Variants in USP13 observed in about 807,000 individuals in gnomAD.
USP13 encodes ubiquitin carboxyl-terminal hydrolase 13.
In USP13, 68 loss-of-function variants were observed where a neutral mutation model predicts 107.8. The observed-to-expected ratio is 0.63, with a 90% CI of 0.52 to 0.77. The LOEUF (loss-of-function observed/expected upper bound fraction) is 0.77. Ranked by LOEUF, USP13 falls within the 30% of genes least tolerant of loss-of-function variation. The pLI is 0.00. For missense variants in USP13, 945 were observed against 1,093.3 expected (o/e 0.86, Z 1.91); for synonymous variants, 377 against 389.5 (o/e 0.97, Z 0.38).
chr3:179,655,960 C>T (rs1223667254), intron 1 of USP13, among the ~76,000 whole-genome samples: 3 of 152,172 alleles, frequency 2.0e-5, no homozygotes, highest in Non-Finnish European at 4.4e-5. Flanking sequence ...GCATAAAGAG[C>T]AAAATCCATT....
chr3:179,711,158 C>A (rs1285004592), intron 6 of USP13, among the ~76,000 whole-genome samples: 1 of 152,160 alleles, frequency 6.6e-6, no homozygotes, highest in Admixed American at 6.5e-5. Flanking sequence ...AGCTTTTGGA[C>A]ATTTTTGTAG....
At chr3:179,732,833 A>C (rs1338093496) in intron 10 of USP13, among the ~76,000 whole-genome samples, 1 of 152,032 alleles carries the variant, frequency 6.6e-6, no homozygotes, top group Non-Finnish European at 1.5e-5. Flanking sequence ...CTCTTCCCCC[A>C]CTGGATTCGG....
At chr3:179,717,970 T>C (rs945267285) in intron 6 of USP13, among the ~76,000 whole-genome samples, 1 of 152,156 alleles carries the variant, frequency 6.6e-6, no homozygotes. Context: ...CTGAATTTCT[T>C]TGGGGAGCAG....
chr3:179,717,101 A>G (rs1713137343), intron 6 of USP13, among the ~76,000 whole-genome samples: 2 of 152,154 alleles, frequency 1.3e-5, no homozygotes, highest in Admixed American at 6.5e-5. Flanking sequence ...TTTTAGGCCA[A>G]GCTGGGGAGC....
chr3:179,708,444 ATT>A (rs1712802259), intron 5 of USP13, among the ~76,000 whole-genome samples: 1 of 14,140 alleles, frequency 7.1e-5, no homozygotes, highest in South Asian at 2.0e-3. Context: ...AGTAGCTGGG[ATT>A]TGGGATTACA....
At chr3:179,712,975 G>A (rs1712982751) in intron 6 of USP13, among the ~76,000 whole-genome samples, 2 of 151,686 alleles carry the variant, frequency 1.3e-5, no homozygotes, top group Admixed American at 1.3e-4. Context: ...GTTCTTTTTT[G>A]TGAATTTCTT....
At chr3:179,756,039 CAGATAAATACA>C (rs1207165843) in intron 15 of USP13, among the ~76,000 whole-genome samples, 2 of 152,218 alleles carry the variant, frequency 1.3e-5, no homozygotes, top group Non-Finnish European at 2.9e-5. Flanking sequence ...GCATGGGCAT[CAGATAAATACA>C]AGATGGTTTA....
chr3:179,778,770 GAA>G (rs138909432), intron 19 of USP13, among the ~76,000 whole-genome samples: 3 of 133,634 alleles, frequency 2.2e-5, no homozygotes, highest in East Asian at 2.2e-4. Context: ...CCGTCTCAAA[GAA>G]AAAAAAAAAA....
In USP13 at chr3:179,756,938, G is replaced by T. The variant is rs137877318; in HGVS notation, c.1922-114G>T. Reference sequence around the variant, plus strand: ...GGTTGAGGGATTGACAACAGTGTGTGGTCCCCAGGAGTGGGGAGGGCATTG... The same window carrying T: ...GGTTGAGGGATTGACAACAGTGTGTTGTCCCCAGGAGTGGGGAGGGCATTG... On this transcript the variant is annotated intron_variant, in intron 15 of 20. Transcript: ENST00000263966. 7.5e-3 allele frequency: 7,614 copies of T among 1,015,846 alleles called. 72 individuals carry two copies. Among genetic ancestry groups the T allele is most frequent in the Middle Eastern group, 0.045 (201 of 4,420 alleles). 62.9% of individuals were successfully genotyped at this position (1,015,846 alleles called of 1,614,324 possible).
In USP13 at chr3:179,741,454, T is replaced by C. The variant is rs991536649; in HGVS notation, c.1381-743T>C. Among the ~76,000 whole-genome samples, 4 of 145,114 alleles carry C rather than the reference T, an allele frequency of 2.8e-5. No individual in the cohort carries two copies. The East Asian group carries it at 7.9e-4, about 29-fold the overall frequency. ...CTGTTTATCATTTATTAGTGATAAC[T>C]TTTTTTTTTTAGAATAAAGCCTCCC... On this transcript the variant is annotated intron_variant, in intron 11 of 20. Coordinates refer to ENST00000263966, the MANE Select transcript of USP13 (RefSeq NM_003940.3).
chr3:179,765,955 T>G (rs1353845633), intron 19 of USP13, 107 bp downstream of exon 19: 26 of 1,263,056 alleles, frequency 2.1e-5, no homozygotes, highest in Non-Finnish European at 2.6e-5. Context: ...ATTCAAAAGT[T>G]AGCACAGATC....
chr3:179,767,251 A>T (rs778003381), intron 19 of USP13, among the ~76,000 whole-genome samples: 36 of 152,168 alleles, frequency 2.4e-4, no homozygotes, highest in Non-Finnish European at 4.9e-4. Context: ...TAACCTTATG[A>T]GGTACATACC....
At chr3:179,696,565 C>T (rs1427204798) in intron 3 of USP13, among the ~76,000 whole-genome samples, 1 of 152,102 alleles carries the variant, frequency 6.6e-6, no homozygotes, top group Non-Finnish European at 1.5e-5. Flanking sequence ...AACTCCTGAC[C>T]TCGTGATCTG....
chr3:179,668,160 ATTT>A (rs1720640340), intron 1 of USP13, among the ~76,000 whole-genome samples: 1 of 151,964 alleles, frequency 6.6e-6, no homozygotes, highest in Non-Finnish European at 1.5e-5. Context: ...ACATTTCAAC[ATTT>A]ATTTATTTAT....
At chr3:179,725,742 C>G (rs1456046565) in intron 8 of USP13, among the ~76,000 whole-genome samples, 1 of 152,174 alleles carries the variant, frequency 6.6e-6, no homozygotes, top group Non-Finnish European at 1.5e-5. Context: ...GTGTCTTTTA[C>G]ATGTCAGATG....
chr3:179,655,043 C>T (rs1157093363), intron 1 of USP13, among the ~76,000 whole-genome samples: 1 of 151,962 alleles, frequency 6.6e-6, no homozygotes, highest in East Asian at 1.9e-4. Context: ...ATTGTATGGC[C>T]AGTGTTGGGC....
chr3:179,689,354 T>C (rs1429939073), intron 2 of USP13, among the ~76,000 whole-genome samples: 2 of 152,116 alleles, frequency 1.3e-5, no homozygotes, highest in East Asian at 1.9e-4. Context: ...GCTTCCATCA[T>C]AGGTAGAAAA....
chr3:179,653,373 G>T lies in USP13; in HGVS notation c.148G>T (p.Ala50Ser). The change falls in exon 1 of 21, where the codon GCC becomes TCC. Residue 50 changes from alanine (A) to serine (S), a missense_variant. Physicochemically the swap from Ala to Ser is moderately conservative, Grantham distance 99. Coordinates refer to ENST00000263966, the MANE Select transcript of USP13 (RefSeq NM_003940.3). This position sits in a 1 kb window ranked among gnomAD's most constrained non-coding sequence, Gnocchi z 4.0. ...CGACAGGGTCTACAAGAACGAGTGCGCCTTCTCCTACGACTCTCCCGTAAG... is the reference window on the plus strand; with the variant it reads ...CGACAGGGTCTACAAGAACGAGTGCTCCTTCTCCTACGACTCTCCCGTAAG... The part of the protein sequence containing the change: ...SGDRVYKNEC[A>S]FSYDSPNSEG... 6.4e-7 allele frequency: 1 copy of T among 1,567,554 alleles called. No individual in the cohort carries two copies. The highest frequency in any genetic ancestry group is 8.6e-7 in the Non-Finnish European group (1 of 1,156,340).
At chr3:179,686,004 C>T (rs1325599020) in intron 2 of USP13, among the ~76,000 whole-genome samples, 1 of 152,180 alleles carries the variant, frequency 6.6e-6, no homozygotes, top group Admixed American at 6.5e-5. Context: ...ATTGATGTCA[C>T]TGTCTACTTC....
Sources: allele counts gnomAD v4.1 joint callset (sites outside exome capture counted in the v4.1 genomes callset), GRCh38; gene constraint gnomAD v4.1.1; non-coding constraint Gnocchi (gnomAD v3.1); transcripts MANE v1.5; gene names NCBI Gene and HGNC (gene_info 2026-07-23, HGNC 2026-07-21).